ZNRF3: variants seen among roughly 807,000 people sequenced by gnomAD.
The protein encoded by ZNRF3 is E3 ubiquitin-protein ligase ZNRF3.
In ZNRF3, 23 loss-of-function variants were observed where a neutral mutation model predicts 72.5. The ratio of observed to expected loss-of-function variants is 0.32; its 90% confidence interval spans 0.23 to 0.45. The LOEUF is 0.45. Among genes scored for constraint, ZNRF3 ranks in the 20% least tolerant of loss-of-function variants. The probability of loss-of-function intolerance (pLI) is 1.00; values close to 1 mark genes in which losing one functional copy is unlikely to be tolerated. For synonymous variants in ZNRF3, 610 were observed against 545.3 expected (o/e 1.12, Z -1.65); for missense variants, 1,169 against 1,272.1 (o/e 0.92, Z 1.23).
rs10533572 is a variant in ZNRF3, at chr22:28,917,268, AACACACACACACACAC to A, written c.300+33223_300+33238del. The A allele has an allele frequency of 7.4e-3, 1,266 of 171,478 alleles. 20 individuals are homozygous for A. The highest frequency in any genetic ancestry group is 0.03 in the African/African-American group (1,204 of 40,258). The allele number at this position is 171,478 out of a possible 1,614,324, so 10.6% of individuals were successfully genotyped here. On this transcript the variant is annotated intron_variant, in intron 1 of 8. Coordinates refer to ENST00000544604, the MANE Select transcript of ZNRF3 (RefSeq NM_001206998.2). ...TTTGCGATGGAGTGGTTGGGGATAA[AACACACACACACACAC>A]ACACACACACACACACACACGACAC...
At chr22:28,892,390 G>A (rs1247401983) in intron 1 of ZNRF3, among the ~76,000 whole-genome samples, 1 of 152,186 alleles carries the variant, frequency 6.6e-6, no homozygotes, top group South Asian at 2.1e-4. Flanking sequence ...GGAGGGAATC[G>A]GGCCCTGGTG....
At chr22:28,894,739 G>GTTGA (rs2033959286) in intron 1 of ZNRF3, among the ~76,000 whole-genome samples, 1 of 152,184 alleles carries the variant, frequency 6.6e-6, no homozygotes, top group Non-Finnish European at 1.5e-5. Flanking sequence ...AGAGATGCAA[G>GTTGA]TTGAGCCCAA....
intron 1 of ZNRF3, among the ~76,000 whole-genome samples, chr22:28,969,622 G>T (rs897400587): frequency 6.6e-6 from 1 of 152,186 alleles, no homozygotes; most frequent in African/African-American, 2.4e-5. Context: ...GAAGAGAGGG[G>T]TCAAAGGTCA....
chr22:28,902,147 G>C (rs2034118358), intron 1 of ZNRF3, among the ~76,000 whole-genome samples: 1 of 152,018 alleles, frequency 6.6e-6, no homozygotes, highest in South Asian at 2.1e-4. Context: ...ATGTTGGCCA[G>C]GCTGGTCTTG....
chr22:28,919,726 C>G (rs138282054), intron 1 of ZNRF3, among the ~76,000 whole-genome samples: 25 of 151,784 alleles, frequency 1.6e-4, no homozygotes, highest in South Asian at 2.1e-4. Flanking sequence ...AAGCTGGTCT[C>G]GAACTCCTAA....
intron 1 of ZNRF3, among the ~76,000 whole-genome samples, chr22:28,971,863 C>T (rs1483216212): frequency 6.6e-6 from 1 of 152,142 alleles, no homozygotes; most frequent in African/African-American, 2.4e-5. Flanking sequence ...TACACCACCA[C>T]ACCTGCCTAA....
At chr22:29,022,002 T>C (rs947061958) in intron 2 of ZNRF3, among the ~76,000 whole-genome samples, 3 of 152,080 alleles carry the variant, frequency 2.0e-5, no homozygotes, top group Middle Eastern at 3.2e-3. Context: ...TCCCTCCCTT[T>C]CCTGGCTTCC....
chr22:28,944,006 C>G (rs1015147239), intron 1 of ZNRF3, among the ~76,000 whole-genome samples: 2 of 150,604 alleles, frequency 1.3e-5, no homozygotes, highest in African/African-American at 4.9e-5. Context: ...TCCAAAAGAA[C>G]CCCGGATTAA....
rs758686333 is a variant in ZNRF3 at position 29,049,830 on chromosome 22, A to ACAGCAG, written c.1663_1668dup (p.Ser556_Ser557dup). 12 of 1,608,038 alleles carry ACAGCAG rather than the reference A, an allele frequency of 7.5e-6. No homozygotes were observed. The highest frequency in any genetic ancestry group is 2.2e-5 in the South Asian group (2 of 90,544). ...TACCTGGCCGACTGCCCAGGCAGCG[A>ACAGCAG]CAGCAGCAGCAGCAGCAGCTCCGGC... On this transcript the variant is annotated inframe_insertion, in exon 8 of 9. Transcript: ENST00000544604. This position sits in a 1 kb window ranked among gnomAD's most constrained non-coding sequence, Gnocchi z 5.2.
chr22:28,890,640 G>A (rs1236215895), intron 1 of ZNRF3, among the ~76,000 whole-genome samples: 2 of 152,192 alleles, frequency 1.3e-5, no homozygotes, highest in Non-Finnish European at 2.9e-5. Context: ...GGTTATGGAA[G>A]GAAAGAATCT....
At chr22:28,908,594 C>T (rs2034256733) in intron 1 of ZNRF3, among the ~76,000 whole-genome samples, 1 of 152,170 alleles carries the variant, frequency 6.6e-6, no homozygotes. Flanking sequence ...TCCTATGGGG[C>T]ATGTCACCCC....
chr22:29,009,816 C>T (rs2036317911), intron 2 of ZNRF3, among the ~76,000 whole-genome samples: 2 of 151,830 alleles, frequency 1.3e-5, no homozygotes, highest in African/African-American at 4.8e-5. Context: ...TAAGCTTCAC[C>T]ATTAAGTGTA....
intron 1 of ZNRF3, among the ~76,000 whole-genome samples, chr22:28,970,784 G>C (rs571372348): frequency 1.3e-5 from 2 of 152,126 alleles, no homozygotes; most frequent in Non-Finnish European, 2.9e-5. Flanking sequence ...TCATGTTTCC[G>C]TTTATGTGGA....
intron 1 of ZNRF3, among the ~76,000 whole-genome samples, chr22:28,901,932 C>CT (rs398036773): frequency 0.021 from 2,424 of 112,948 alleles, 76 homozygotes; most frequent in African/African-American, 0.049. Context: ...TTTAAGTTAA[C>CT]TTTTTTTTTT....
In ZNRF3 at chr22:28,896,116, AATTTTTATTTTTATTT is replaced by A. The variant is rs2033990594; in HGVS notation, c.300+12065_300+12080del. Among the ~76,000 whole-genome samples the A allele has an allele frequency of 4.1e-5, 6 of 146,920 alleles. No individual in the cohort carries two copies. In the South Asian group the frequency reaches 1.3e-3, roughly 32 times the overall value. On this transcript the variant is annotated intron_variant, in intron 1 of 8. Coordinates refer to ENST00000544604, the MANE Select transcript of ZNRF3 (RefSeq NM_001206998.2). ...CAGGCGTCCACCATCACGCCCGGCT[AATTTTTATTTTTATTT>A]ATTTTTATTTTTATCTTTTTGAGAC...
chr22:28,971,927 C>T (rs2035582511), intron 1 of ZNRF3, among the ~76,000 whole-genome samples: 1 of 152,090 alleles, frequency 6.6e-6, no homozygotes, highest in African/African-American at 2.4e-5. Flanking sequence ...AGGCTGGTCT[C>T]AAACTCCTGG....
At chr22:28,886,860 G>A (rs758345397) in intron 1 of ZNRF3, among the ~76,000 whole-genome samples, 1 of 152,092 alleles carries the variant, frequency 6.6e-6, no homozygotes, top group African/African-American at 2.4e-5. Context: ...GGAGGCTGAG[G>A]TGGGAGGATT....
In ZNRF3 at chr22:29,030,548, C is replaced by A. The variant is rs574149263; in HGVS notation, c.427-11947C>A. Among the ~76,000 whole-genome samples the A allele has an allele frequency of 6.6e-6, 1 of 152,140 alleles. No individual in the cohort carries two copies. Among genetic ancestry groups the A allele is most frequent in the African/African-American group, 2.4e-5 (1 of 41,414 alleles). On this transcript the variant is annotated intron_variant, in intron 2 of 8. Coordinates refer to ENST00000544604, the MANE Select transcript of ZNRF3 (RefSeq NM_001206998.2). This position sits in a 1 kb window ranked among gnomAD's most constrained non-coding sequence, Gnocchi z 4.2. The stretch of plus-strand genomic sequence containing the variant: ...CGTTCCGGAACTCAGAACCTGCAGC[C>A]GACGGGAGCCTTTGGAGGCTTAATG...
chr22:28,907,143 C>T (rs544947987), intron 1 of ZNRF3, among the ~76,000 whole-genome samples: 84 of 149,550 alleles, frequency 5.6e-4, no homozygotes, highest in Non-Finnish European at 7.4e-5. Context: ...CCGCCACGCC[C>T]GTCCAGTTTT....
Sources: allele counts gnomAD v4.1 joint callset (sites outside exome capture counted in the v4.1 genomes callset), GRCh38; gene constraint gnomAD v4.1.1; non-coding constraint Gnocchi (gnomAD v3.1); transcripts MANE v1.5; gene names NCBI Gene and HGNC (gene_info 2026-07-23, HGNC 2026-07-21).